The following ACSBG2 variants were observed in gnomAD, a reference collection of about 807,000 sequenced individuals.
ACSBG2 encodes long-chain-fatty-acid--CoA ligase ACSBG2.
In ACSBG2, 62 loss-of-function variants were observed where a neutral mutation model predicts 74.7. The observed-to-expected ratio is 0.83, with a 90% CI of 0.68 to 1.03. The LOEUF is 1.03. ACSBG2 is among the 50% of genes least tolerant of loss of function. ACSBG2 has a pLI of 0.00. For missense variants in ACSBG2, 730 were observed against 817.6 expected, an observed-to-expected ratio of 0.89 and a Z score of 1.31; for synonymous variants, 309 against 294.1, an observed-to-expected ratio of 1.05 and a Z score of -0.52.
At position 6,190,702 on chromosome 19, in the gene ACSBG2, A is replaced by C. The variant is rs775785641; in HGVS notation, c.*35+10A>C. On this transcript the variant is annotated intron_variant, in intron 14 of 14. Transcript: ENST00000588485. ...CTCAGCTGTTCTGATGGTGAGATTCAGTTGCTTGGCTTTGCTGGGCTATGC... is the reference window on the plus strand; with the variant it reads ...CTCAGCTGTTCTGATGGTGAGATTCCGTTGCTTGGCTTTGCTGGGCTATGC... 6.3e-7 allele frequency: 1 copy of C among 1,585,736 alleles called. No individual in the cohort carries two copies. The highest frequency in any genetic ancestry group is 8.7e-7 in the Non-Finnish European group (1 of 1,154,698).
intron 8 of ACSBG2, among the ~76,000 whole-genome samples, chr19:6,179,711 G>T (rs1161922163): frequency 1.3e-5 from 2 of 152,082 alleles, no homozygotes; most frequent in African/African-American, 4.8e-5. Flanking sequence ...TCCACCTCCG[G>T]GTTAAACGAT....
chr19:6,143,793 G>A (rs766696086), intron 2 of ACSBG2, among the ~76,000 whole-genome samples: 16 of 152,078 alleles, frequency 1.1e-4, no homozygotes, highest in Admixed American at 4.6e-4. Flanking sequence ...TGATTAGCTC[G>A]GGAAAGTGGG....
intron 6 of ACSBG2, among the ~76,000 whole-genome samples, chr19:6,161,864 C>T (rs2089633557): frequency 6.6e-6 from 1 of 152,022 alleles, no homozygotes. Context: ...ACCACCAAAA[C>T]TGGTGGCTAA....
chr19:6,154,434 A>AGAG (rs1568226772), intron 4 of ACSBG2, among the ~76,000 whole-genome samples: 1,481 of 38,172 alleles, frequency 0.039, 26 homozygotes, highest in African/African-American at 0.056. Context: ...GAGAGAGAGA[A>AGAG]AATTATTATT....
chr19:6,191,119 T>C (rs1485647518), intron 14 of ACSBG2: 1 of 164,960 alleles, frequency 6.1e-6, no homozygotes, highest in Non-Finnish European at 1.3e-5. Flanking sequence ...GTTGGCCCAT[T>C]ACACAGATAA....
At chr19:6,159,814 A>G (rs576245606) in intron 5 of ACSBG2, among the ~76,000 whole-genome samples, 1 of 151,992 alleles carries the variant, frequency 6.6e-6, no homozygotes, top group Non-Finnish European at 1.5e-5. Flanking sequence ...CTCCCCTATC[A>G]TACTCTCTTG....
chr19:6,144,377 A>G (rs1388273278), intron 2 of ACSBG2, among the ~76,000 whole-genome samples: 4 of 152,214 alleles, frequency 2.6e-5, no homozygotes, highest in Non-Finnish European at 4.4e-5. Flanking sequence ...AAAGGAGGAA[A>G]TAGAGACGAA....
intron 6 of ACSBG2, 160 bp downstream of exon 6, chr19:6,161,455 G>C: frequency 1.6e-6 from 1 of 611,608 alleles, no homozygotes; most frequent in Non-Finnish European, 2.7e-6. Context: ...GAAGTGAAAG[G>C]TGAGGAAAGG....
chr19:6,157,243 G>A (rs370806698), intron 5 of ACSBG2, among the ~76,000 whole-genome samples: 10 of 150,318 alleles, frequency 6.7e-5, no homozygotes, highest in East Asian at 4.2e-4. Context: ...CCACCGCCCC[G>A]AGCCCGGGCT....
chr19:6,190,966 T>C lies in ACSBG2; in HGVS notation c.*35+274T>C, dbSNP rs184828279. 5.6e-3 allele frequency: 1,272 copies of C among 226,244 alleles called. 23 individuals carry two copies. The highest frequency in any genetic ancestry group is 6.2e-3 in the Middle Eastern group (4 of 646). The allele number at this position is 226,244 out of a possible 1,614,324, so 14.0% of individuals were successfully genotyped here. A position where few individuals can be genotyped will look rare whatever the true frequency, so the allele number is the denominator to read the frequency against. ...AGCTGGCCACCAATGTTGTTAGCTG[T>C]GCTTCCTGCCTTTTCTATTTGTTTC... On this transcript the variant is annotated intron_variant, in intron 14 of 14. Transcript: ENST00000588485.
intron 2 of ACSBG2, among the ~76,000 whole-genome samples, chr19:6,146,321 T>A (rs1335192904): frequency 1.3e-5 from 2 of 151,296 alleles, no homozygotes. Flanking sequence ...AATACAAAAA[T>A]TAGCCAGATG....
intron 8 of ACSBG2, among the ~76,000 whole-genome samples, chr19:6,177,612 G>A (rs907128485): frequency 1.3e-5 from 2 of 152,238 alleles, no homozygotes; most frequent in African/African-American, 4.8e-5. Context: ...AGGCCAAGAC[G>A]GGCAGATTGC....
chr19:6,177,278 A>C lies in ACSBG2; in HGVS notation c.788A>C (p.Lys263Thr), dbSNP rs904314215. 1.9e-5 allele frequency: 31 copies of C among 1,614,010 alleles called. No individual in the cohort carries two copies. Among genetic ancestry groups the C allele is most frequent in the Non-Finnish European group, 2.6e-5 (31 of 1,180,038 alleles). ...AVTKDFKLTD[K>T]HETVVSYLPL... The stretch of plus-strand genomic sequence containing the variant: ...ACAAAGGACTTTAAACTGACAGACA[A>C]GCATGAGACGGTGGTTAGCTACCTC... Residue 263 changes from lysine (K) to threonine (T), a missense_variant, in exon 8 of 15, where the codon AAG becomes ACG. By Grantham distance (78) the Lys-to-Thr change is moderately conservative (BLOSUM62 -1). Transcript: ENST00000588485.
intron 5 of ACSBG2, chr19:6,160,433 C>G (rs981634765): frequency 4.0e-5 from 6 of 151,680 alleles, no homozygotes; most frequent in African/African-American, 1.5e-4. Context: ...AAGAATCCCG[C>G]AGGTCACCTG....
At chr19:6,145,214 T>C (rs2145017255) in intron 2 of ACSBG2, among the ~76,000 whole-genome samples, 2 of 152,008 alleles carry the variant, frequency 1.3e-5, no homozygotes, top group Middle Eastern at 3.4e-3. Flanking sequence ...TTAGCCAACA[T>C]GGTGAAACTC....
chr19:6,178,029 C>T (rs1437489984), intron 8 of ACSBG2, among the ~76,000 whole-genome samples: 1 of 152,026 alleles, frequency 6.6e-6, no homozygotes, highest in East Asian at 1.9e-4. Flanking sequence ...ATTCCACTTA[C>T]TGGGATTATG....
intron 5 of ACSBG2, among the ~76,000 whole-genome samples, chr19:6,159,607 T>C (rs2089540842): frequency 6.6e-6 from 1 of 152,212 alleles, no homozygotes; most frequent in African/African-American, 2.4e-5. Context: ...CAAAACCAGG[T>C]TCCTGACATG....
At position 6,182,899 on chromosome 19, in the gene ACSBG2, T is replaced by A; in HGVS notation, c.1055T>A (p.Ile352Asn). The A allele has an allele frequency of 1.2e-6, 2 of 1,614,090 alleles. No individual in the cohort carries two copies. The highest frequency in any genetic ancestry group is 1.7e-6 in the Non-Finnish European group (2 of 1,180,008). The change falls in exon 9 of 15, where the codon ATT becomes AAT. Residue 352 changes from isoleucine (I) to asparagine (N), a missense_variant. Physicochemically the swap from Ile to Asn is moderately radical, Grantham distance 149 (BLOSUM62 -3). Transcript: ENST00000588485. ...KKKAFVWARN[I>N]GFKVNSKKML... ...AAGGCATTCGTGTGGGCAAGAAACA[T>A]TGGCTTCAAGGTCAACTCAAAAAAG... is the stretch of plus-strand genomic sequence containing the variant.
intron 10 of ACSBG2, 123 bp downstream of exon 10, chr19:6,183,395 T>C (rs1213068466): frequency 2.5e-6 from 2 of 808,370 alleles, no homozygotes; most frequent in South Asian, 1.8e-5. Context: ...AGAATGATCC[T>C]GTTCTCCAGC....
Sources: allele counts gnomAD v4.1 joint callset (sites outside exome capture counted in the v4.1 genomes callset), GRCh38; gene constraint gnomAD v4.1.1; transcripts MANE v1.5; gene names NCBI Gene and HGNC (gene_info 2026-07-23, HGNC 2026-07-21).